The following CDC42BPG variants were observed in gnomAD, a reference collection of about 807,000 sequenced individuals.
The protein encoded by CDC42BPG is serine/threonine-protein kinase MRCK gamma.
A neutral mutation model predicts 192.2 loss-of-function variants in CDC42BPG; 157 were observed. The ratio of observed to expected loss-of-function variants is 0.82; its 90% CI spans 0.72 to 0.93. The LOEUF is 0.93. Ranked by LOEUF, CDC42BPG falls within the 40% of genes least tolerant of loss-of-function variation. The pLI, the probability that CDC42BPG is intolerant of heterozygous loss-of-function variation, is 0.00. For missense variants in CDC42BPG, 1,992 were observed against 2,122.1 expected, an observed-to-expected ratio of 0.94 and a Z score of 1.20; for synonymous variants, 981 against 918.5, an observed-to-expected ratio of 1.07 and a Z score of -1.23.
In CDC42BPG at chr11:64,833,788, C is replaced by G; in HGVS notation, c.2515G>C (p.Gly839Arg). ...PGISGEATRH[G>R]GEPDLRPEGR... ...TCCGGCCTCAGATCTGGCTCTCCTCCATGCCTTGTGGCCTCTCCTGAGATG... is the reference window on the plus strand; with the variant it reads ...TCCGGCCTCAGATCTGGCTCTCCTCGATGCCTTGTGGCCTCTCCTGAGATG... The change falls in exon 22 of 37, where the codon GGA (glycine) becomes CGA (arginine). Residue 839 changes from glycine to arginine, a missense_variant. Around this residue, in one of 2 missense-constraint regions of CDC42BPG, gnomAD observed 1,656 missense variants for 1,844.3 expected, o/e 0.90. Transcript: ENST00000342711. The G allele has an allele frequency of 6.2e-7, 1 of 1,614,256 alleles. No homozygotes were observed. Among genetic ancestry groups the G allele is most frequent in the Admixed American group, 1.7e-5 (1 of 60,034 alleles).
chr11:64,833,554 A>G (rs942839625), intron 23 of CDC42BPG, 46 bp downstream of exon 23: 1 of 1,548,958 alleles, frequency 6.5e-7, no homozygotes, highest in African/African-American at 1.4e-5. Context: ...TCAGCCTGGC[A>G]GAACTGCTTG....
At chr11:64,826,636 G>A (rs770194301) in intron 35 of CDC42BPG, 35 bp downstream of exon 35, 1 of 1,586,970 alleles carries the variant, frequency 6.3e-7, no homozygotes, top group Non-Finnish European at 8.6e-7. Flanking sequence ...TTGGGGTGGG[G>A]GGTGGCACAC....
In CDC42BPG at chr11:64,838,811, A is replaced by C. The variant is rs753658033; in HGVS notation, c.968T>G (p.Leu323Arg). Residue 323 changes from leucine (L) to arginine (R), a missense_variant, in exon 8 of 37, where the codon CTA becomes CGA. Coordinates refer to ENST00000342711, the MANE Select transcript of CDC42BPG (RefSeq NM_017525.3). The stretch of plus-strand genomic sequence containing the variant: ...GAAGTCATCCAGCCCACCACGGCCT[A>C]GCCGCTCTTCCTGGCGACACAGCAG... ...RQLLCRQEER[L>R]GRGGLDDFRN... 3.1e-6 allele frequency: 5 copies of C among 1,612,500 alleles called. No individual in the cohort carries two copies. Among genetic ancestry groups the C allele is most frequent in the Non-Finnish European group, 4.2e-6 (5 of 1,179,964 alleles).
chr11:64,838,415 C>A (rs574623883), intron 8 of CDC42BPG, among the ~76,000 whole-genome samples: 1 of 152,330 alleles, frequency 6.6e-6, no homozygotes, highest in South Asian at 2.1e-4. Flanking sequence ...ACACAGCCCA[C>A]CTCAGTGCAG....
At chr11:64,828,671 T>A (rs1321144474) in intron 30 of CDC42BPG, among the ~76,000 whole-genome samples, 1 of 152,132 alleles carries the variant, frequency 6.6e-6, no homozygotes, top group African/African-American at 2.4e-5. Flanking sequence ...TCCCAGCACT[T>A]TGGGAGGCCG....
chr11:64,827,376 C>T lies in CDC42BPG; in HGVS notation c.4173G>A (p.Pro1391=), dbSNP rs757214342. Residue 1391 remains proline, a synonymous_variant, in exon 33 of 37, where the codon CCG becomes CCA. Transcript: ENST00000342711. ...QLAEKDEFDI[P]DLTDNSRRQL... ...GGCGCCGGCTGTTGTCGGTGAGGTCCGGGATGTCGAACTCGTCCTTCTCTG... is the reference window on the plus strand; with the variant it reads ...GGCGCCGGCTGTTGTCGGTGAGGTCTGGGATGTCGAACTCGTCCTTCTCTG... The T allele has an allele frequency of 4.3e-6, 7 of 1,613,830 alleles. No individual in the cohort carries two copies. The highest frequency in any genetic ancestry group is 2.2e-5 in the East Asian group (1 of 44,862).
chr11:64,835,260 T>C, intron 16 of CDC42BPG, 87 bp downstream of exon 16: 1 of 1,608,898 alleles, frequency 6.2e-7, no homozygotes, highest in Non-Finnish European at 8.5e-7. Context: ...TCCACCCTGC[T>C]CACTGGCTGC....
At position 64,829,869 on chromosome 11, in the gene CDC42BPG, GC is replaced by G; in HGVS notation, c.3568del (p.Ala1190ProfsTer8). The G allele has an allele frequency of 6.2e-7, 1 of 1,608,920 alleles. No individual in the cohort carries two copies. Among genetic ancestry groups the G allele is most frequent in the Non-Finnish European group, 8.5e-7 (1 of 1,178,394 alleles). On this transcript the variant is annotated frameshift_variant, in exon 30 of 37. Coordinates refer to ENST00000342711, the MANE Select transcript of CDC42BPG (RefSeq NM_017525.3). LOFTEE classifies it high-confidence loss of function. ...QVLAAGSILQ[A>X]RTPVLCVAVK... Reference sequence around the variant, plus strand: ...GGCTACACAGAGCACCGGGGTGCGGGCCTGCAGGATGCTTCCAGCTGCCAGC... The same window carrying G: ...GGCTACACAGAGCACCGGGGTGCGGGCTGCAGGATGCTTCCAGCTGCCAGC...
chr11:64,836,556 C>T (rs755696810), intron 11 of CDC42BPG, 26 bp from the exon 12 acceptor site: 28 of 1,594,524 alleles, frequency 1.8e-5, no homozygotes, highest in East Asian at 2.2e-5. Flanking sequence ...ACTGAGACCT[C>T]GAGTGCTGGC....
intron 1 of CDC42BPG, 21 bp from the exon 2 acceptor site, chr11:64,841,925 ACTCAGAGTGCAGGGAGGGAGGG>A (rs1565701912): frequency 6.4e-7 from 1 of 1,561,580 alleles, no homozygotes; most frequent in South Asian, 1.1e-5. Flanking sequence ...ACAGGGCGGG[ACTCAGAGTGCAGGGAGGGAGGG>A]CTCCATTCCC....
intron 11 of CDC42BPG, 21 bp downstream of exon 11, chr11:64,836,718 G>GGGGGGGGGGT: frequency 1.2e-6 from 1 of 849,758 alleles, no homozygotes; most frequent in Non-Finnish European, 1.7e-6. Flanking sequence ...GGGGGGGGGG[G>GGGGGGGGGGT]GGGGTGGGCG....
chr11:64,832,723 G>A lies in CDC42BPG; in HGVS notation c.2886C>T (p.Val962=), dbSNP rs746953381. The change falls in exon 26 of 37, where the codon GTC becomes GTT. Residue 962 remains valine, a synonymous_variant. Coordinates refer to ENST00000342711, the MANE Select transcript of CDC42BPG (RefSeq NM_017525.3). ...CAAACACGCGCTGCCAGCCCCGCCG[G>A]ACACCTGAGGGCCGCGGCACCTGGC... The part of the protein sequence containing the change: ...GFLSVPRPSG[V]RRGWQRVFAA... 4 of 1,610,138 alleles carry A rather than the reference G, an allele frequency of 2.5e-6. No homozygotes were observed. In the Admixed American group the frequency reaches 6.7e-5, roughly 27 times the overall value.
At chr11:64,826,389 G>T in intron 36 of CDC42BPG, 81 bp downstream of exon 36, 1 of 958,472 alleles carries the variant, frequency 1.0e-6, no homozygotes, top group Non-Finnish European at 1.6e-6. Flanking sequence ...CCCTAGCCTA[G>T]GTCACTGTGC....
In CDC42BPG at chr11:64,838,882, CG is replaced by C; in HGVS notation, c.896del (p.Pro299ArgfsTer13). The C allele has an allele frequency of 2.2e-6, 3 of 1,392,258 alleles. No individual in the cohort carries two copies. The highest frequency in any genetic ancestry group is 2.0e-6 in the Non-Finnish European group (2 of 999,278). The allele number at this position is 1,392,258 out of a possible 1,614,324, so 86.2% of individuals were successfully genotyped here. On this transcript the variant is annotated frameshift_variant, in exon 8 of 37. Coordinates refer to ENST00000342711, the MANE Select transcript of CDC42BPG (RefSeq NM_017525.3). LOFTEE classifies it high-confidence loss of function. ...MNHEDHLQFPPDVPDVPASAQ... is the reference protein window; with the variant it reads ...MNHEDHLQFPXDVPDVPASAQ... ...CGCTGGCTGGCACGTCAGGCACGTC[CG>C]GGGGGAACTGCAGGTGGTCCTGTGG...
intron 34 of CDC42BPG, 69 bp downstream of exon 34, chr11:64,826,981 C>T: frequency 1.6e-6 from 2 of 1,252,040 alleles, no homozygotes; most frequent in Non-Finnish European, 1.2e-6. Flanking sequence ...TTGGCTAGAG[C>T]TCACCACAGA....
chr11:64,835,688 G>A (rs1942951621), intron 14 of CDC42BPG, 67 bp from the exon 15 acceptor site: 1 of 1,600,716 alleles, frequency 6.2e-7, no homozygotes, highest in South Asian at 1.1e-5. Flanking sequence ...TGGGACACAG[G>A]CCTGGCCCTG....
chr11:64,826,764 C>T lies in CDC42BPG; in HGVS notation c.4420G>A (p.Gly1474Ser). The change falls in exon 35 of 37, where the codon GGC (glycine) becomes AGC (serine). Residue 1474 changes from glycine (G) to serine (S), a missense_variant. Physicochemically the swap from Gly to Ser is moderately conservative, Grantham distance 56. This residue lies in a region of CDC42BPG where 336 missense variants were observed against 277.9 expected (regional missense o/e 1.21). Coordinates refer to ENST00000342711, the MANE Select transcript of CDC42BPG (RefSeq NM_017525.3). ...APEEKGRVAR[G>S]SGPQRPHSFS... Reference sequence around the variant, plus strand: ...CTGTGGGGCCGCTGTGGGCCGGAGCCGCGGGCAACTCGGCCCTTCTCTTCG... The same window carrying T: ...CTGTGGGGCCGCTGTGGGCCGGAGCTGCGGGCAACTCGGCCCTTCTCTTCG... 20 of 1,528,508 alleles carry T rather than the reference C, an allele frequency of 1.3e-5. No homozygotes were observed. Among genetic ancestry groups the T allele is most frequent in the Non-Finnish European group, 1.8e-5 (20 of 1,139,076 alleles). The allele number at this position is 1,528,508 out of a possible 1,614,324, so 94.7% of individuals were successfully genotyped here. A position where few individuals can be genotyped will look rare whatever the true frequency, so the allele number is the denominator to read the frequency against.
chr11:64,829,055 C>G (rs1942563519), intron 30 of CDC42BPG, among the ~76,000 whole-genome samples: 1 of 151,454 alleles, frequency 6.6e-6, no homozygotes, highest in Non-Finnish European at 1.5e-5. Context: ...CTGTCTCAAA[C>G]AAAACAAAAC....
At chr11:64,839,261 G>A (rs1439646204) in intron 6 of CDC42BPG, 28 bp from the exon 7 acceptor site, 2 of 1,612,064 alleles carry the variant, frequency 1.2e-6, no homozygotes, top group South Asian at 1.1e-5. Flanking sequence ...GAAGCCATGA[G>A]GACAGCTTTG....
Sources: gnomAD v4.1 joint callset for allele counts (sites outside exome capture counted in the v4.1 genomes callset) on GRCh38, gnomAD v4.1.1 for gene constraint, gnomAD v4.1.1 regional missense constraint, MANE v1.5 for transcripts, NCBI Gene and HGNC (gene_info 2026-07-23, HGNC 2026-07-21) for gene names.